The following SNX3 variants were observed in gnomAD, a reference collection of about 807,000 sequenced individuals.
SNX3 encodes the protein sorting nexin-3.
Under a neutral mutation model 17.7 loss-of-function variants are expected in SNX3, and 5 were observed. The observed-to-expected ratio is 0.28, with a 90% CI of 0.15 to 0.59. The LOEUF (loss-of-function observed/expected upper bound fraction) is 0.59, where lower values mean the gene tolerates loss of function less well. Ranked by LOEUF, SNX3 falls within the 20% of genes least tolerant of loss-of-function variation. SNX3 has a pLI of 0.88. For synonymous variants in SNX3, 91 were observed against 76.5 expected, an observed-to-expected ratio of 1.19 and a Z score of -0.99; for missense variants, 132 against 206.8, an observed-to-expected ratio of 0.64 and a Z score of 2.22.
At chr6:108,232,210 A>G (rs1206796483) in intron 1 of SNX3, among the ~76,000 whole-genome samples, 2 of 152,232 alleles carry the variant, frequency 1.3e-5, no homozygotes, top group African/African-American at 2.4e-5. Context: ...TAAAATGTTA[A>G]AAGAGATATG....
intron 1 of SNX3, among the ~76,000 whole-genome samples, chr6:108,240,330 T>C (rs1775477856): frequency 6.6e-6 from 1 of 152,184 alleles, no homozygotes; most frequent in African/African-American, 2.4e-5. Context: ...GCAATTCTCC[T>C]GCCTCAGCTT....
intron 1 of SNX3, among the ~76,000 whole-genome samples, chr6:108,230,053 G>A (rs1231330837): frequency 1.3e-5 from 2 of 151,732 alleles, no homozygotes; most frequent in Admixed American, 6.6e-5. Flanking sequence ...GAAATGTATG[G>A]ACAAGAGTCA....
chr6:108,233,442 A>C (rs995163040), intron 1 of SNX3, among the ~76,000 whole-genome samples: 1 of 152,200 alleles, frequency 6.6e-6, no homozygotes, highest in African/African-American at 2.4e-5. Flanking sequence ...AAGTGACGCC[A>C]ACTAGAGAAT....
At chr6:108,238,445 A>G (rs776046395) in intron 1 of SNX3, among the ~76,000 whole-genome samples, 2 of 152,190 alleles carry the variant, frequency 1.3e-5, no homozygotes, top group Non-Finnish European at 2.9e-5. Context: ...TACTTTTTAC[A>G]GCCACTTACA....
In SNX3 at chr6:108,260,942, C is replaced by A. The variant is rs779192511; in HGVS notation, c.-21G>T. On this transcript the variant is annotated 5_prime_UTR_variant, in exon 1 of 4. Transcript: ENST00000230085. ...GCCATTTCGCTGTAGCTGCTGCCGC[C>A]GCCGCGGGCTCCCTCCGCCCCCTCC... 1 of 1,546,486 alleles carries A rather than the reference C, an allele frequency of 6.5e-7. No individual in the cohort carries two copies. The highest frequency in any genetic ancestry group is 1.2e-5 in the South Asian group (1 of 83,860).
intron 1 of SNX3, among the ~76,000 whole-genome samples, chr6:108,229,617 C>T (rs1314999823): frequency 1.3e-5 from 2 of 152,152 alleles, no homozygotes; most frequent in Non-Finnish European, 1.5e-5. Flanking sequence ...GACAGAGTTT[C>T]GCTCTTGTCG....
At chr6:108,232,423 A>G (rs150859687) in intron 1 of SNX3, among the ~76,000 whole-genome samples, 1 of 152,258 alleles carries the variant, frequency 6.6e-6, no homozygotes, top group African/African-American at 2.4e-5. Flanking sequence ...CTACCACATT[A>G]TTGGTCTCCA....
At chr6:108,252,087 C>CAAAAAAAAAAAAAAAAA (rs777979859) in intron 1 of SNX3, 1 of 129,114 alleles carries the variant, frequency 7.7e-6, no homozygotes, top group African/African-American at 3.0e-5. Flanking sequence ...ATAAATAAAA[C>CAAAAAAAAAAAAAAAAA]AAACAAACAA....
chr6:108,223,136 T>A, intron 1 of SNX3, 91 bp from the exon 2 acceptor site: 2 of 679,402 alleles, frequency 2.9e-6, no homozygotes, highest in Non-Finnish European at 5.1e-6. Context: ...AAAGAAATCA[T>A]GACTTTCTTT....
chr6:108,234,509 C>G (rs1775265389), intron 1 of SNX3, among the ~76,000 whole-genome samples: 1 of 152,042 alleles, frequency 6.6e-6, no homozygotes, highest in African/African-American at 2.4e-5. Flanking sequence ...CAAAATTGCA[C>G]CACTGCACTC....
In SNX3 at chr6:108,212,223, G is replaced by A. The variant is rs779677148; in HGVS notation, c.415C>T (p.Arg139Cys). 1.9e-6 allele frequency: 3 copies of A among 1,610,902 alleles called. No individual in the cohort carries two copies. Among genetic ancestry groups the A allele is most frequent in the Admixed American group, 1.7e-5 (1 of 59,386 alleles). ...TCTTGTAAAAACATGTGAAGACAAC[G>A]TTCGTTCTGTGCCAGAGGATGACCA... ...VAGHPLAQNE[R>C]CLHMFLQDEI... The change falls in exon 4 of 4, where the codon CGT (arginine) becomes TGT (cysteine). Residue 139 changes from arginine (R) to cysteine (C), a missense_variant. By Grantham distance (180) the Arg-to-Cys change is radical. Coordinates refer to ENST00000230085, the MANE Select transcript of SNX3 (RefSeq NM_003795.6).
At chr6:108,228,418 G>A (rs977589407) in intron 1 of SNX3, among the ~76,000 whole-genome samples, 2 of 152,016 alleles carry the variant, frequency 1.3e-5, no homozygotes, top group African/African-American at 4.8e-5. Context: ...GCATGGTGGC[G>A]GGTACCTGTA....
chr6:108,245,702 A>G (rs1178769399), intron 1 of SNX3, among the ~76,000 whole-genome samples: 2 of 152,216 alleles, frequency 1.3e-5, no homozygotes, highest in Admixed American at 1.3e-4. Context: ...CTAATGACCA[A>G]TGATGATGAG....
chr6:108,247,958 TAAC>T (rs1364716781), intron 1 of SNX3, among the ~76,000 whole-genome samples: 3 of 151,872 alleles, frequency 2.0e-5, no homozygotes, highest in African/African-American at 4.8e-5. Flanking sequence ...AAAATTAAAA[TAAC>T]AATTTTAAAA....
intron 1 of SNX3, among the ~76,000 whole-genome samples, chr6:108,247,647 G>T (rs1469155145): frequency 6.6e-6 from 1 of 152,050 alleles, no homozygotes; most frequent in Non-Finnish European, 1.5e-5. Context: ...CTCCCAAAGG[G>T]CTAAAATTAT....
chr6:108,245,420 G>A (rs935190234), intron 1 of SNX3, among the ~76,000 whole-genome samples: 4 of 152,132 alleles, frequency 2.6e-5, no homozygotes, highest in African/African-American at 9.7e-5. Context: ...ATAAACATAC[G>A]TGTGCATGTC....
At chr6:108,233,917 A>G (rs1022435772) in intron 1 of SNX3, among the ~76,000 whole-genome samples, 3 of 152,246 alleles carry the variant, frequency 2.0e-5, no homozygotes, top group Non-Finnish European at 2.9e-5. Flanking sequence ...CATTATAAGT[A>G]AAACTGTGAT....
intron 1 of SNX3, among the ~76,000 whole-genome samples, chr6:108,257,331 G>A (rs545307141): frequency 6.6e-6 from 1 of 152,148 alleles, no homozygotes; most frequent in East Asian, 1.9e-4. Flanking sequence ...ACCATCATGG[G>A]CAACATAGCA....
At chr6:108,217,287 T>C (rs1261225946) in intron 2 of SNX3, among the ~76,000 whole-genome samples, 1 of 151,972 alleles carries the variant, frequency 6.6e-6, no homozygotes, top group Non-Finnish European at 1.5e-5. Context: ...CTATGCATTA[T>C]CCTCTGTAGA....
Sources: gnomAD v4.1 joint callset for allele counts (sites outside exome capture counted in the v4.1 genomes callset) on GRCh38, gnomAD v4.1.1 for gene constraint, MANE v1.5 for transcripts, NCBI Gene and HGNC (gene_info 2026-07-23, HGNC 2026-07-21) for gene names.